The following LINC00305 variants were observed in gnomAD, a reference collection of about 807,000 sequenced individuals.
The protein encoded by LINC00305 is long independently transcribed non-coding RNA 305.
chr18:64,135,343 T>TGGG (rs1259881477), intron 1 of LINC00305, among the ~76,000 whole-genome samples: 1 of 152,118 alleles, frequency 6.6e-6, no homozygotes, highest in Non-Finnish European at 1.5e-5. Flanking sequence ...GTGGGCACAG[T>TGGG]TTAACCCATA....
rs183416678 is a variant in LINC00305 at position 64,143,105 on chromosome 18, G to A, written n.314+5670C>T. 9.4e-3 allele frequency among the ~76,000 whole-genome samples: 1,438 copies of A among 152,256 alleles called. 13 individuals carry two copies. Among genetic ancestry groups the A allele is most frequent in the South Asian group, 0.016 (79 of 4,822 alleles). Reference sequence around the variant, plus strand: ...TAAAGATGTAAGAGTAAACAGTGACGTCAGCATTATGAAACCAACCAGTAA... The same window carrying A: ...TAAAGATGTAAGAGTAAACAGTGACATCAGCATTATGAAACCAACCAGTAA... On this transcript the variant is annotated intron_variant and non_coding_transcript_variant, in intron 1 of 3. Coordinates refer to ENST00000666468, the Ensembl canonical transcript of LINC00305.
At chr18:64,090,546 T>G (rs2051220992) in intron 3 of LINC00305, among the ~76,000 whole-genome samples, 1 of 152,168 alleles carries the variant, frequency 6.6e-6, no homozygotes. Flanking sequence ...AATACCTGCT[T>G]TTTTCAATTG....
intron 3 of LINC00305, among the ~76,000 whole-genome samples, chr18:64,096,944 T>C (rs2051247361): frequency 6.6e-6 from 1 of 151,910 alleles, no homozygotes; most frequent in South Asian, 2.1e-4. Context: ...ATAATATTTT[T>C]ATATAACTAT....
chr18:64,101,975 C>T (rs932963408), intron 1 of LINC00305, among the ~76,000 whole-genome samples: 1 of 152,112 alleles, frequency 6.6e-6, no homozygotes, highest in Non-Finnish European at 1.5e-5. Flanking sequence ...AAAATAGATT[C>T]CCCAGACATT....
chr18:64,093,925 A>T (rs57634990), intron 3 of LINC00305, among the ~76,000 whole-genome samples: 21,832 of 152,054 alleles, frequency 0.14, 2,119 homozygotes, highest in African/African-American at 0.28. Context: ...TTACAGTTTA[A>T]TTGGAAAGAA....
chr18:64,086,732 T>A (rs74867432), intron 3 of LINC00305, among the ~76,000 whole-genome samples: 2,923 of 152,334 alleles, frequency 0.019, 96 homozygotes, highest in African/African-American at 0.067. Context: ...TTGCTTGGAT[T>A]TTCCCCTTGC....
chr18:64,130,820 CTTGT>C (rs1238213897), intron 1 of LINC00305, among the ~76,000 whole-genome samples: 1 of 152,060 alleles, frequency 6.6e-6, no homozygotes, highest in African/African-American at 2.4e-5. Context: ...TCAATAATTG[CTTGT>C]TTAAGAAAGA....
chr18:64,098,216 G>A (rs2051253929), intron 2 of LINC00305, among the ~76,000 whole-genome samples: 1 of 152,194 alleles, frequency 6.6e-6, no homozygotes. Context: ...TAGTATTTCA[G>A]TTCCTAGTGC....
At chr18:64,086,966 A>G (rs2051205781) in intron 3 of LINC00305, among the ~76,000 whole-genome samples, 1 of 152,226 alleles carries the variant, frequency 6.6e-6, no homozygotes, top group Admixed American at 6.5e-5. Flanking sequence ...ACAGAAACCT[A>G]ATATTGCTAG....
intron 3 of LINC00305, among the ~76,000 whole-genome samples, chr18:64,092,609 T>C (rs1189175047): frequency 1.3e-5 from 2 of 152,108 alleles, no homozygotes; most frequent in Non-Finnish European, 2.9e-5. Context: ...TTCTTCAAAT[T>C]AAGGATGATG....
intron 1 of LINC00305, among the ~76,000 whole-genome samples, chr18:64,123,806 A>C (rs959303292): frequency 2.0e-5 from 3 of 152,030 alleles, no homozygotes; most frequent in African/African-American, 7.2e-5. Flanking sequence ...TGGATTAATT[A>C]TGAAAAGATT....
chr18:64,109,034 C>T (rs146903074), intron 1 of LINC00305, among the ~76,000 whole-genome samples: 29 of 152,282 alleles, frequency 1.9e-4, no homozygotes, highest in Non-Finnish European at 4.1e-4. Flanking sequence ...CATCAATCTC[C>T]CTTACCCCCA....
intron 1 of LINC00305, chr18:64,148,706 G>A (rs549846110): frequency 1.4e-4 from 21 of 152,330 alleles, no homozygotes; most frequent in African/African-American, 4.3e-4. Context: ...TAAGGTGGCT[G>A]TTGGTTGATG....
At chr18:64,128,239 C>T (rs1273538270) in intron 1 of LINC00305, among the ~76,000 whole-genome samples, 3 of 152,024 alleles carry the variant, frequency 2.0e-5, no homozygotes, top group African/African-American at 7.2e-5. Context: ...TGCAAGATTC[C>T]TGAGCTACTT....
chr18:64,096,258 A>G (rs1368854648), intron 3 of LINC00305, among the ~76,000 whole-genome samples: 2 of 152,016 alleles, frequency 1.3e-5, no homozygotes, highest in Admixed American at 1.3e-4. Flanking sequence ...GATTGTATGC[A>G]TATTAGTTTT....
At chr18:64,102,304 TA>T (rs2051270387) in intron 1 of LINC00305, among the ~76,000 whole-genome samples, 1 of 152,102 alleles carries the variant, frequency 6.6e-6, no homozygotes, top group South Asian at 2.1e-4. Context: ...ACTCAAGGCC[TA>T]AAAAACAATA....
chr18:64,097,650 A>G (rs1274509127), intron 3 of LINC00305, among the ~76,000 whole-genome samples: 4 of 152,044 alleles, frequency 2.6e-5, no homozygotes, highest in Non-Finnish European at 5.9e-5. Flanking sequence ...CCTATAAAGA[A>G]CTACTCCGCG....
rs890724714 is a variant in LINC00305, at chr18:64,110,623, T to G, written n.315-11983A>C. Among the ~76,000 whole-genome samples, 9 of 152,322 alleles carry G rather than the reference T, an allele frequency of 5.9e-5. No homozygotes were observed. In the South Asian group the frequency reaches 1.2e-3, roughly 21 times the overall value. On this transcript the variant is annotated intron_variant and non_coding_transcript_variant, in intron 1 of 3. Transcript: ENST00000666468. ...GGCACAGAGGACTTGGGGATCTTCT[T>G]TTTGGAAGTGACTTAGCCTTGTCTG... is the stretch of plus-strand genomic sequence containing the variant.
intron 1 of LINC00305, among the ~76,000 whole-genome samples, chr18:64,108,340 A>C (rs2051300334): frequency 6.6e-6 from 1 of 152,220 alleles, no homozygotes; most frequent in South Asian, 2.1e-4. Context: ...TAAAAGAAAG[A>C]AGTGCAACAC....
Sources: gnomAD v4.1 joint callset for allele counts (sites outside exome capture counted in the v4.1 genomes callset) on GRCh38, gnomAD v4.1.1 for gene constraint, MANE v1.5 for transcripts, NCBI Gene and HGNC (gene_info 2026-07-23, HGNC 2026-07-21) for gene names.